The following CSMD1 variants were observed in gnomAD, a reference collection of about 807,000 sequenced individuals.
CSMD1 encodes CUB and sushi domain-containing protein 1.
In CSMD1, 213 loss-of-function variants were observed where a neutral mutation model predicts 417.5. The ratio of observed to expected loss-of-function variants is 0.51; its 90% CI spans 0.46 to 0.57. The LOEUF is 0.57. CSMD1 is among the 20% of genes least tolerant of loss of function. The pLI is 0.00. For synonymous variants in CSMD1, 2,862 were observed against 1,736.8 expected, an observed-to-expected ratio of 1.65 and a Z score of -16.11; for missense variants, 6,923 against 4,529.7, an observed-to-expected ratio of 1.53 and a Z score of -15.17.
Position 4,397,227 on chromosome 8 carries a change from CTGTT to C in CSMD1, c.415+22722_415+22725del, listed in dbSNP as rs568925529. On this transcript the variant is annotated intron_variant, in intron 3 of 69. Transcript: ENST00000635120. Reference sequence around the variant, plus strand: ...TAAAAAAAACAAGAACAGCTCCCTTCTGTTTATTTAGCGTGTGAGCATGCGTTTT... The same window carrying C: ...TAAAAAAAACAAGAACAGCTCCCTTCTATTTAGCGTGTGAGCATGCGTTTT... Among the ~76,000 whole-genome samples, 537 of 152,180 alleles carry C rather than the reference CTGTT, an allele frequency of 3.5e-3. 5 individuals are homozygous for C. Among genetic ancestry groups the C allele is most frequent in the African/African-American group, 0.012 (491 of 41,536 alleles).
chr8:3,498,515 A>G (rs961974944), intron 10 of CSMD1, among the ~76,000 whole-genome samples: 1 of 152,146 alleles, frequency 6.6e-6, no homozygotes, highest in African/African-American at 2.4e-5. Flanking sequence ...GTGATCTTTG[A>G]GCTTCCTGGA....
chr8:4,082,303 A>C (rs2130817085), intron 3 of CSMD1, among the ~76,000 whole-genome samples: 1 of 152,328 alleles, frequency 6.6e-6, no homozygotes, highest in South Asian at 2.1e-4. Flanking sequence ...GACGTATAAG[A>C]AAAATTTAAT....
intron 10 of CSMD1, among the ~76,000 whole-genome samples, chr8:3,496,027 T>C (rs1394153607): frequency 1.3e-5 from 2 of 152,174 alleles, no homozygotes; most frequent in African/African-American, 4.8e-5. Context: ...AAGCCCAGCA[T>C]GCATTAGCTC....
intron 5 of CSMD1, among the ~76,000 whole-genome samples, chr8:3,803,789 T>C (rs144176791): frequency 6.6e-6 from 1 of 152,176 alleles, no homozygotes; most frequent in Non-Finnish European, 1.5e-5. Flanking sequence ...TTGGAAAATA[T>C]CTTTCTGCCT....
chr8:4,631,075 A>C (rs747563696), intron 2 of CSMD1, among the ~76,000 whole-genome samples: 1 of 152,112 alleles, frequency 6.6e-6, no homozygotes, highest in African/African-American at 2.4e-5. Context: ...CTAAAAATAA[A>C]ATGAAGGCCA....
At chr8:4,363,526 G>T (rs921109423) in intron 3 of CSMD1, among the ~76,000 whole-genome samples, 2 of 152,134 alleles carry the variant, frequency 1.3e-5, no homozygotes, top group African/African-American at 4.8e-5. Context: ...AGCTAAGAAA[G>T]AAGAGCAATA....
At chr8:4,769,436 T>A (rs1796493963) in intron 1 of CSMD1, among the ~76,000 whole-genome samples, 1 of 152,180 alleles carries the variant, frequency 6.6e-6, no homozygotes, top group African/African-American at 2.4e-5. Context: ...AACTTTAGAA[T>A]AAGGTATTAT....
chr8:3,672,988 T>C (rs1229695394), intron 7 of CSMD1, among the ~76,000 whole-genome samples: 1 of 152,216 alleles, frequency 6.6e-6, no homozygotes, highest in East Asian at 1.9e-4. Context: ...TAAGTACTTG[T>C]GTTGTAACAC....
chr8:3,774,128 G>C (rs1299193056), intron 5 of CSMD1, among the ~76,000 whole-genome samples: 1 of 152,132 alleles, frequency 6.6e-6, no homozygotes, highest in African/African-American at 2.4e-5. Flanking sequence ...TCTTAGGTTT[G>C]AGCATAAATT....
At position 3,551,597 on chromosome 8, in the gene CSMD1, T is replaced by TATA. The variant is rs1491324597; in HGVS notation, c.1344+23347_1344+23348insTAT. Among the ~76,000 whole-genome samples, 198 of 90,572 alleles carry TATA rather than the reference T, an allele frequency of 2.2e-3. 1 individual carries two copies. The highest frequency in any genetic ancestry group is 5.4e-3 in the African/African-American group (84 of 15,522). The allele number at this position is 90,572 out of a possible 152,430, so 59.4% of individuals were successfully genotyped here. On this transcript the variant is annotated intron_variant, in intron 10 of 69. Transcript: ENST00000635120. ...AAATATGTATATATATATATATATA[T>TATA]TTTTTTTTTTTTTTTTTCTGAAGAT...
rs76253825 is a variant in CSMD1, at chr8:3,891,972, T to C, written c.818+105931A>G. Among the ~76,000 whole-genome samples, 94 of 152,228 alleles carry C rather than the reference T, an allele frequency of 6.2e-4. No homozygotes were observed. The Middle Eastern group carries it at 0.01, about 17-fold the overall frequency. ...TTTTCCAGCGTCCAAAAGCACAGCA[T>C]CGGCTACTTCAATATTAGCACACGA... On this transcript the variant is annotated intron_variant, in intron 5 of 69. Coordinates refer to ENST00000635120, the MANE Select transcript of CSMD1 (RefSeq NM_033225.6).
At chr8:3,068,856 G>A (rs556698023) in intron 49 of CSMD1, among the ~76,000 whole-genome samples, 72 of 152,146 alleles carry the variant, frequency 4.7e-4, no homozygotes, top group Non-Finnish European at 7.9e-4. Context: ...AATTCAACAC[G>A]AGATTTGGGC....
At chr8:3,899,489 G>C (rs1312048402) in intron 5 of CSMD1, among the ~76,000 whole-genome samples, 1 of 152,118 alleles carries the variant, frequency 6.6e-6, no homozygotes, top group Non-Finnish European at 1.5e-5. Flanking sequence ...GTAGAAACTA[G>C]ACCTGGAAGG....
intron 5 of CSMD1, among the ~76,000 whole-genome samples, chr8:3,761,949 T>G (rs571231551): frequency 6.6e-6 from 1 of 152,278 alleles, no homozygotes; most frequent in South Asian, 2.1e-4. Context: ...GGCACCATCA[T>G]GCTCCACACC....
At chr8:4,261,500 T>G (rs537740035) in intron 3 of CSMD1, among the ~76,000 whole-genome samples, 65 of 152,326 alleles carry the variant, frequency 4.3e-4, no homozygotes, top group African/African-American at 1.5e-3. Context: ...CATGGTTACT[T>G]TAGCTAGTAA....
chr8:3,044,031 C>G (rs369530234), intron 50 of CSMD1, among the ~76,000 whole-genome samples: 25 of 152,250 alleles, frequency 1.6e-4, no homozygotes, highest in African/African-American at 5.5e-4. Flanking sequence ...AAATCCTCTT[C>G]CATTGCAAGC....
At chr8:4,418,962 G>A (rs933030391) in intron 3 of CSMD1, among the ~76,000 whole-genome samples, 18 of 152,178 alleles carry the variant, frequency 1.2e-4, no homozygotes, top group Non-Finnish European at 1.5e-5. Flanking sequence ...CTATGTCTCT[G>A]CAAAGAGAAC....
chr8:4,310,876 A>T (rs1798524060), intron 3 of CSMD1, among the ~76,000 whole-genome samples: 1 of 152,192 alleles, frequency 6.6e-6, no homozygotes, highest in Non-Finnish European at 1.5e-5. Flanking sequence ...GAAAACTTAC[A>T]TGTGGCCAAC....
intron 30 of CSMD1, among the ~76,000 whole-genome samples, chr8:3,212,119 A>G (rs1286395306): frequency 6.6e-6 from 1 of 152,046 alleles, no homozygotes; most frequent in Admixed American, 6.5e-5. Context: ...CTTTACCTCA[A>G]AGCCACTCTG....
Sources: gnomAD v4.1 joint callset for allele counts (sites outside exome capture counted in the v4.1 genomes callset) on GRCh38, gnomAD v4.1.1 for gene constraint, MANE v1.5 for transcripts, NCBI Gene and HGNC (gene_info 2026-07-23, HGNC 2026-07-21) for gene names.